The following ADD1 variants were observed in gnomAD, a reference collection of about 807,000 sequenced individuals.
ADD1 encodes the protein adducin 1.
ADD1 carries 24 observed loss-of-function variants against 80.5 expected under a neutral mutation model. The ratio of observed to expected loss-of-function variants is 0.30; its 90% CI spans 0.22 to 0.42. The LOEUF (loss-of-function observed/expected upper bound fraction) is 0.42. Ranked by LOEUF, ADD1 falls within the 10% of genes least tolerant of loss-of-function variation. ADD1 has a pLI of 1.00. For missense variants in ADD1, 948 were observed against 1,019.0 expected (o/e 0.93, Z 0.95); for synonymous variants, 373 against 393.8 (o/e 0.95, Z 0.63).
intron 1 of ADD1, among the ~76,000 whole-genome samples, chr4:2,852,138 T>TTTCCTTTCTTTCTTTCTTTCTTTCTTTC (rs1342452606): frequency 2.0e-5 from 2 of 97,580 alleles, no homozygotes; most frequent in Non-Finnish European, 4.1e-5. Flanking sequence ...ACCCGGCCTC[T>TTTCCTTTCTTTCTTTCTTTCTTTCTTTC]TTTCTTTCTT....
chr4:2,875,765 A>T (rs746366560), intron 1 of ADD1, 131 bp from the exon 2 acceptor site: 7 of 716,074 alleles, frequency 9.8e-6, no homozygotes, highest in African/African-American at 1.8e-5. Flanking sequence ...CTCACAGGTC[A>T]TGGTTTCCAC....
At chr4:2,918,569 A>G (rs1432726952) in intron 14 of ADD1, among the ~76,000 whole-genome samples, 1 of 152,216 alleles carries the variant, frequency 6.6e-6, no homozygotes, top group African/African-American at 2.4e-5. Context: ...GAGTGGTGAG[A>G]GAGGGCATCC....
At chr4:2,904,008 C>T (rs1402717175) in intron 9 of ADD1, among the ~76,000 whole-genome samples, 3 of 152,138 alleles carry the variant, frequency 2.0e-5, no homozygotes, top group African/African-American at 7.2e-5. Context: ...ACTTACTTAC[C>T]TTACTTACCT....
chr4:2,928,909 C>A lies in ADD1; in HGVS notation c.*386C>A. 4.8e-6 allele frequency: 1 copy of A among 210,362 alleles called. No individual in the cohort carries two copies. Among genetic ancestry groups the A allele is most frequent in the South Asian group, 8.7e-5 (1 of 11,496 alleles). The allele number at this position is 210,362 out of a possible 1,614,324, so 13.0% of individuals were successfully genotyped here. The stretch of plus-strand genomic sequence containing the variant: ...ACCACATTCTGTCTCTGCTTGGCTT[C>A]CCCTCCACCCTAAAGTCTCAGGTGA... On this transcript the variant is annotated 3_prime_UTR_variant, in exon 16 of 16. Coordinates refer to ENST00000683351, the MANE Select transcript of ADD1 (RefSeq NM_001354761.2).
chr4:2,884,012 C>T (rs1732835370), intron 3 of ADD1, among the ~76,000 whole-genome samples: 3 of 152,150 alleles, frequency 2.0e-5, no homozygotes, highest in Admixed American at 2.0e-4. Context: ...TTAAGTCTGG[C>T]TAGAGGTTTA....
At chr4:2,850,703 G>A (rs1409884900) in intron 1 of ADD1, among the ~76,000 whole-genome samples, 5 of 152,122 alleles carry the variant, frequency 3.3e-5, no homozygotes, top group African/African-American at 1.2e-4. Context: ...GGGATTACAG[G>A]CGTGAGCCAC....
At chr4:2,927,810 G>C (rs989575554) in intron 15 of ADD1, among the ~76,000 whole-genome samples, 4 of 152,162 alleles carry the variant, frequency 2.6e-5, no homozygotes, top group African/African-American at 7.2e-5. Context: ...TGCCCTTAGG[G>C]TGACAGGGCA....
intron 1 of ADD1, among the ~76,000 whole-genome samples, chr4:2,860,848 CAG>C (rs1262154088): frequency 2.0e-5 from 3 of 152,134 alleles, no homozygotes; most frequent in Non-Finnish European, 1.5e-5. Flanking sequence ...GCCAAAATTA[CAG>C]AGTCAGTAAG....
At chr4:2,872,088 G>A (rs903962990) in intron 1 of ADD1, among the ~76,000 whole-genome samples, 2 of 152,200 alleles carry the variant, frequency 1.3e-5, no homozygotes, top group Non-Finnish European at 2.9e-5. Flanking sequence ...GCCGTTGAGT[G>A]TCCAGGAAGT....
In ADD1 at chr4:2,904,794, C is replaced by G. The variant is rs776488630; in HGVS notation, c.1192C>G (p.Pro398Ala). 1.9e-6 allele frequency: 3 copies of G among 1,614,092 alleles called. No homozygotes were observed. The East Asian group carries it at 6.7e-5, about 36-fold the overall frequency. Residue 398 changes from proline to alanine, a missense_variant, in exon 10 of 16, where the codon CCT becomes GCT. Transcript: ENST00000683351. ...GYRTGYPYRY[P>A]ALREKSKKYS... ...CAGAACTGGCTACCCTTATCGATAC[C>G]CTGCTCTGAGAGAGAAGTCTAAAAA...
chr4:2,926,573 G>T lies in ADD1; in HGVS notation c.2047+461G>T. On this transcript the variant is annotated intron_variant, in intron 15 of 15. Coordinates refer to ENST00000683351, the MANE Select transcript of ADD1 (RefSeq NM_001354761.2). This position sits in a 1 kb window ranked among gnomAD's most constrained non-coding sequence, Gnocchi z 5.0. ...CCCTGCCTTTCTTCTTCTGTAACCT[G>T]ATGGCTGTGACTGAATGCATAGATT... 1 of 1,569,108 alleles carries T rather than the reference G, an allele frequency of 6.4e-7. No individual in the cohort carries two copies. Among genetic ancestry groups the T allele is most frequent in the Admixed American group, 1.7e-5 (1 of 58,520 alleles).
At chr4:2,844,489 T>C (rs1233857158) in intron 1 of ADD1, 4 of 152,276 alleles carry the variant, frequency 2.6e-5, no homozygotes, top group Admixed American at 2.6e-4. Context: ...AAGCCATATC[T>C]GCCGACGGAC....
At chr4:2,860,258 AT>A in intron 1 of ADD1, among the ~76,000 whole-genome samples, 1 of 152,328 alleles carries the variant, frequency 6.6e-6, no homozygotes, top group African/African-American at 2.4e-5. Flanking sequence ...AGAGGCAGAC[AT>A]ACTAGCTACG....
chr4:2,926,656 A>G lies in ADD1; in HGVS notation c.2047+544A>G, dbSNP rs758135331. 3.1e-6 allele frequency: 5 copies of G among 1,613,840 alleles called. No individual in the cohort carries two copies. Among genetic ancestry groups the G allele is most frequent in the Admixed American group, 3.3e-5 (2 of 60,010 alleles). On this transcript the variant is annotated intron_variant, in intron 15 of 15. Transcript: ENST00000683351. The surrounding 1 kb of genome is among the most constrained non-coding windows in gnomAD (Gnocchi z 5.0). ...GTCACAAGCAGGAGACGGATGCGCT[A>G]GAGAGTACCTGTTACCCTAGTAAGT...
At chr4:2,923,212 G>A (rs1740366661) in intron 14 of ADD1, among the ~76,000 whole-genome samples, 1 of 152,228 alleles carries the variant, frequency 6.6e-6, no homozygotes, top group South Asian at 2.1e-4. Flanking sequence ...AGCTAGCTCA[G>A]TGTCTGCCGA....
At chr4:2,923,327 A>G (rs893862920) in intron 14 of ADD1, among the ~76,000 whole-genome samples, 1 of 152,180 alleles carries the variant, frequency 6.6e-6, no homozygotes, top group African/African-American at 2.4e-5. Flanking sequence ...AAAGCGTAGT[A>G]TTTGAGCTGG....
chr4:2,919,862 A>G lies in ADD1; in HGVS notation c.1948+4822A>G, dbSNP rs193011891. ...CTTCAGTTCTGCACTCGTCTTAGTT[A>G]TTTCTTGTCTTCTGCTAGCTTTTGA... is the stretch of plus-strand genomic sequence containing the variant. On this transcript the variant is annotated intron_variant, in intron 14 of 15. Coordinates refer to ENST00000683351, the MANE Select transcript of ADD1 (RefSeq NM_001354761.2). Among the ~76,000 whole-genome samples the G allele has an allele frequency of 1.0e-3, 151 of 150,546 alleles. 1 individual carries two copies. Among genetic ancestry groups the G allele is most frequent in the Admixed American group, 3.6e-3 (54 of 15,150 alleles).
chr4:2,876,840 A>G (rs1047425925), intron 2 of ADD1, among the ~76,000 whole-genome samples: 1 of 148,070 alleles, frequency 6.8e-6, no homozygotes, highest in Non-Finnish European at 1.5e-5. Context: ...CTCCGTCCCA[A>G]AAAAAAAAAA....
At chr4:2,906,733 T>C (rs781735628) in intron 10 of ADD1, among the ~76,000 whole-genome samples, 5 of 152,256 alleles carry the variant, frequency 3.3e-5, no homozygotes, top group Non-Finnish European at 1.5e-5. Context: ...AAATTATTTT[T>C]AATAAAACGC....
Sources: allele counts gnomAD v4.1 joint callset (sites outside exome capture counted in the v4.1 genomes callset), GRCh38; gene constraint gnomAD v4.1.1; non-coding constraint Gnocchi (gnomAD v3.1); transcripts MANE v1.5; gene names NCBI Gene and HGNC (gene_info 2026-07-23, HGNC 2026-07-21).